Variants in PACSIN1 observed in about 807,000 individuals in gnomAD.
PACSIN1 encodes protein kinase C and casein kinase substrate in neurons 1.
Under a neutral mutation model 59.5 loss-of-function variants are expected in PACSIN1, and 15 were observed. That is an observed-to-expected ratio of 0.25 (90% CI 0.17 to 0.39). The LOEUF (loss-of-function observed/expected upper bound fraction) is 0.39. Ranked by LOEUF, PACSIN1 falls within the 10% of genes least tolerant of loss-of-function variation. The probability of loss-of-function intolerance (pLI) is 1.00; values close to 1 mark genes in which losing one functional copy is unlikely to be tolerated. For missense variants in PACSIN1, 420 were observed against 580.2 expected, an observed-to-expected ratio of 0.72 and a Z score of 2.84; for synonymous variants, 210 against 220.6, an observed-to-expected ratio of 0.95 and a Z score of 0.42.
chr6:34,517,169 C>T (rs1323531691), intron 1 of PACSIN1, among the ~76,000 whole-genome samples: 1 of 152,208 alleles, frequency 6.6e-6, no homozygotes, highest in Non-Finnish European at 1.5e-5. Flanking sequence ...CTTCTCATCT[C>T]ACCGCCACAT....
rs552635696 is a variant in PACSIN1 at position 34,482,692 on chromosome 6, T to TTTGTTTTTG, written c.-64+16424_-64+16425insGTTTTTGTT. The stretch of plus-strand genomic sequence containing the variant: ...TCTATGTTTTTGTTTTTGTTTTTTT[T>TTTGTTTTTG]TTTTTGAGACAGAGTCTCACTCTGT... On this transcript the variant is annotated intron_variant, in intron 1 of 9. Coordinates refer to ENST00000244458, the MANE Select transcript of PACSIN1 (RefSeq NM_020804.5). Among the ~76,000 whole-genome samples, 495 of 151,838 alleles carry TTTGTTTTTG rather than the reference T, an allele frequency of 3.3e-3. 10 individuals carry two copies. The highest frequency in any genetic ancestry group is 0.02 in the East Asian group (103 of 5,166).
intron 1 of PACSIN1, among the ~76,000 whole-genome samples, chr6:34,520,922 T>TGG (rs1209340848): frequency 6.6e-6 from 1 of 152,178 alleles, no homozygotes; most frequent in African/African-American, 2.4e-5. Flanking sequence ...CAACATTGGC[T>TGG]GGGCGCCCAC....
intron 1 of PACSIN1, among the ~76,000 whole-genome samples, chr6:34,481,454 G>A (rs1435766063): frequency 3.3e-5 from 5 of 152,132 alleles, no homozygotes; most frequent in South Asian, 2.1e-4. Flanking sequence ...AGGCCGAGGC[G>A]GGAGGATCAC....
chr6:34,491,804 G>A (rs897325662), intron 1 of PACSIN1, among the ~76,000 whole-genome samples: 7 of 151,926 alleles, frequency 4.6e-5, no homozygotes, highest in African/African-American at 1.7e-4. Flanking sequence ...TAGAGACGGG[G>A]TTTCACCATG....
intron 1 of PACSIN1, among the ~76,000 whole-genome samples, chr6:34,519,885 T>A (rs1767357907): frequency 6.6e-6 from 1 of 152,170 alleles, no homozygotes; most frequent in Non-Finnish European, 1.5e-5. Context: ...ATTGTGCTAA[T>A]CAGCTTTTTG....
rs1390673393 is a variant in PACSIN1 at position 34,527,664 on chromosome 6, T to C, written c.220+176T>C. 7 of 434,928 alleles carry C rather than the reference T, an allele frequency of 1.6e-5. No individual in the cohort carries two copies. In the Admixed American group the frequency reaches 1.7e-4, roughly 11 times the overall value. 26.9% of individuals were successfully genotyped at this position (434,928 alleles called of 1,614,324 possible). A position where few individuals can be genotyped will look rare whatever the true frequency, so the allele number is the denominator to read the frequency against. On this transcript the variant is annotated intron_variant, in intron 3 of 9. Transcript: ENST00000244458. ...CAGGCCTACCTGTTCATCTCTATTT[T>C]GTACAATTTTAGGTTGAATTAAAAA...
chr6:34,503,125 C>T (rs762276322), intron 1 of PACSIN1, among the ~76,000 whole-genome samples: 17 of 151,938 alleles, frequency 1.1e-4, no homozygotes, highest in East Asian at 3.9e-4. Context: ...AAAATTAGCC[C>T]GGCATGGTGG....
In PACSIN1 at chr6:34,514,207, A is replaced by T. The variant is rs780899196; in HGVS notation, c.-63-12036A>T. Among the ~76,000 whole-genome samples, 1 of 151,548 alleles carries T rather than the reference A, an allele frequency of 6.6e-6. No individual in the cohort carries two copies. Among genetic ancestry groups the T allele is most frequent in the Non-Finnish European group, 1.5e-5 (1 of 67,962 alleles). On this transcript the variant is annotated intron_variant, in intron 1 of 9. Transcript: ENST00000244458. This position sits in a 1 kb window ranked among gnomAD's most constrained non-coding sequence, Gnocchi z 4.4. ...GACACACGAGTGCTTAGGGCCACCC[A>T]TGTGTGCGCTTGAGTGGTGTGTGGC...
intron 1 of PACSIN1, among the ~76,000 whole-genome samples, chr6:34,482,581 T>C (rs563467360): frequency 1.3e-5 from 2 of 152,310 alleles, no homozygotes; most frequent in South Asian, 4.1e-4. Flanking sequence ...TCTAAGAACA[T>C]TTATATGCAT....
At position 34,521,259 on chromosome 6, in the gene PACSIN1, A is replaced by G. The variant is rs1301539061; in HGVS notation, c.-63-4984A>G. 6.6e-6 allele frequency among the ~76,000 whole-genome samples: 1 copy of G among 152,174 alleles called. No homozygotes were observed. Among genetic ancestry groups the G allele is most frequent in the African/African-American group, 2.4e-5 (1 of 41,446 alleles). On this transcript the variant is annotated intron_variant, in intron 1 of 9. Transcript: ENST00000244458. The surrounding 1 kb of genome is among the most constrained non-coding windows in gnomAD (Gnocchi z 4.3). ...GAGGACAGGGAGGAGGTGGGGGCTC[A>G]GGACCTGCTGGTGGCTGGGAGCAGC...
intron 1 of PACSIN1, among the ~76,000 whole-genome samples, chr6:34,480,551 C>T (rs1766702703): frequency 6.6e-6 from 1 of 152,084 alleles, no homozygotes. Flanking sequence ...ATAATAGTTT[C>T]TAATATGTAA....
At chr6:34,493,239 T>G (rs531844012) in intron 1 of PACSIN1, among the ~76,000 whole-genome samples, 1 of 152,110 alleles carries the variant, frequency 6.6e-6, no homozygotes, top group Non-Finnish European at 1.5e-5. Flanking sequence ...GGGGATGGAG[T>G]GTCTTCACCC....
chr6:34,496,319 C>T (rs1183494681), intron 1 of PACSIN1, among the ~76,000 whole-genome samples: 2 of 152,118 alleles, frequency 1.3e-5, no homozygotes, highest in African/African-American at 2.4e-5. Flanking sequence ...CTGATTTCCT[C>T]CCTACAGTGG....
At chr6:34,513,196 G>A (rs769327221) in intron 1 of PACSIN1, among the ~76,000 whole-genome samples, 10 of 152,300 alleles carry the variant, frequency 6.6e-5, no homozygotes, top group East Asian at 5.8e-4. Flanking sequence ...TTATCTCTTG[G>A]CATCTCTAAT....
intron 1 of PACSIN1, among the ~76,000 whole-genome samples, chr6:34,487,382 G>C (rs13198370): frequency 6.6e-6 from 1 of 152,198 alleles, no homozygotes; most frequent in East Asian, 1.9e-4. Context: ...GAATCACGTG[G>C]AATGTGCTGT....
intron 1 of PACSIN1, among the ~76,000 whole-genome samples, chr6:34,498,438 A>T (rs1766978638): frequency 6.6e-6 from 1 of 152,088 alleles, no homozygotes; most frequent in Non-Finnish European, 1.5e-5. Context: ...CTGAATATTA[A>T]TCCCTCATCA....
At chr6:34,473,758 G>T (rs1485522514) in intron 1 of PACSIN1, among the ~76,000 whole-genome samples, 1 of 152,154 alleles carries the variant, frequency 6.6e-6, no homozygotes, top group Non-Finnish European at 1.5e-5. Flanking sequence ...ATTTACAGAA[G>T]TAGAGAAAAT....
In PACSIN1 at chr6:34,516,200, G is replaced by T. The variant is rs577732185; in HGVS notation, c.-63-10043G>T. Among the ~76,000 whole-genome samples, 3 of 152,280 alleles carry T rather than the reference G, an allele frequency of 2.0e-5. No individual in the cohort carries two copies. Among genetic ancestry groups the T allele is most frequent in the Admixed American group, 1.3e-4 (2 of 15,308 alleles). ...ACAGTGTGGGGTGTCCCCTTCCCAT[G>T]GGCACTCGGGTCAGAGGGCCTGGTG... On this transcript the variant is annotated intron_variant, in intron 1 of 9. Coordinates refer to ENST00000244458, the MANE Select transcript of PACSIN1 (RefSeq NM_020804.5). This position sits in a 1 kb window ranked among gnomAD's most constrained non-coding sequence, Gnocchi z 5.4.
chr6:34,497,459 G>T (rs1007881349), intron 1 of PACSIN1, among the ~76,000 whole-genome samples: 1 of 152,112 alleles, frequency 6.6e-6, no homozygotes. Flanking sequence ...GGGCAGATAG[G>T]CTTTCCGCAG....
Sources: gnomAD v4.1 joint callset for allele counts (sites outside exome capture counted in the v4.1 genomes callset) on GRCh38, gnomAD v4.1.1 for gene constraint, Gnocchi (gnomAD v3.1) non-coding constraint, MANE v1.5 for transcripts, NCBI Gene and HGNC (gene_info 2026-07-23, HGNC 2026-07-21) for gene names.